NLK: variants seen among roughly 807,000 people sequenced by gnomAD.
The protein encoded by NLK is nemo like kinase.
In NLK, 11 loss-of-function variants were observed where a neutral mutation model predicts 59.0. The ratio of observed to expected loss-of-function variants is 0.19; its 90% CI spans 0.12 to 0.31. The LOEUF (loss-of-function observed/expected upper bound fraction) is 0.31, where lower values mean the gene tolerates loss of function less well. Among genes scored for constraint, NLK ranks in the 10% least tolerant of loss-of-function variants. The pLI, the probability that NLK is intolerant of heterozygous loss-of-function variation, is 1.00. For synonymous variants in NLK, 235 were observed against 235.9 expected, an observed-to-expected ratio of 1.00 and a Z score of 0.03; for missense variants, 410 against 661.1, an observed-to-expected ratio of 0.62 and a Z score of 4.16.
chr17:28,136,880 C>T (rs556981040), intron 3 of NLK, among the ~76,000 whole-genome samples: 2 of 146,740 alleles, frequency 1.4e-5, no homozygotes, highest in Non-Finnish European at 3.0e-5. Context: ...ACTGGGATTA[C>T]AGGCATGAGC....
intron 1 of NLK, among the ~76,000 whole-genome samples, chr17:28,100,344 AC>A (rs1228264008): frequency 6.6e-6 from 1 of 152,080 alleles, no homozygotes; most frequent in African/African-American, 2.4e-5. Flanking sequence ...TTATTTTCAG[AC>A]TTTTTTAAAA....
At position 28,124,630 on chromosome 17, in the gene NLK, A is replaced by G. The variant is rs1906215080; in HGVS notation, c.588+1898A>G. On this transcript the variant is annotated intron_variant, in intron 2 of 10. Coordinates refer to ENST00000407008, the MANE Select transcript of NLK (RefSeq NM_016231.5). ...TTAGAATAATGTCTAGTTCTTTCTTAGTTATTTCTTGACCTTGCCTTAGTG... is the reference window on the plus strand; with the variant it reads ...TTAGAATAATGTCTAGTTCTTTCTTGGTTATTTCTTGACCTTGCCTTAGTG... Among the ~76,000 whole-genome samples the G allele has an allele frequency of 2.6e-5, 4 of 152,226 alleles. No individual in the cohort carries two copies. In the South Asian group the frequency reaches 8.3e-4, roughly 31 times the overall value.
intron 7 of NLK, 140 bp from the exon 8 acceptor site, chr17:28,185,039 G>T: frequency 2.5e-6 from 1 of 400,222 alleles, no homozygotes. Context: ...ACTGGTTACT[G>T]AAGGGAAAAC....
downstream of NLK, among the ~76,000 whole-genome samples, chr17:28,200,739 C>T (rs1909608427): frequency 2.0e-5 from 3 of 152,372 alleles, no homozygotes; most frequent in South Asian, 2.1e-4. Context: ...CCGCCTTGGC[C>T]TCCCAAATTG....
At chr17:28,109,760 G>T (rs1905382561) in intron 1 of NLK, among the ~76,000 whole-genome samples, 1 of 152,148 alleles carries the variant, frequency 6.6e-6, no homozygotes, top group South Asian at 2.1e-4. Context: ...TCCAGTTTTT[G>T]ACTATTATGA....
At chr17:28,132,289 G>T (rs1906550132) in intron 2 of NLK, among the ~76,000 whole-genome samples, 1 of 152,178 alleles carries the variant, frequency 6.6e-6, no homozygotes, top group African/African-American at 2.4e-5. Context: ...ATAAAGGAAT[G>T]AATGATAGAT....
At chr17:28,134,526 C>T in intron 3 of NLK, among the ~76,000 whole-genome samples, 1 of 152,172 alleles carries the variant, frequency 6.6e-6, no homozygotes. Flanking sequence ...TGGATACAGG[C>T]TATATGCAAA....
At chr17:28,071,725 G>A (rs1041133279) in intron 1 of NLK, among the ~76,000 whole-genome samples, 1 of 152,182 alleles carries the variant, frequency 6.6e-6, no homozygotes, top group East Asian at 1.9e-4. Flanking sequence ...CAATCCTGCT[G>A]TATCCTACGT....
At chr17:28,087,748 A>AC (rs1910562527) in intron 1 of NLK, among the ~76,000 whole-genome samples, 1 of 151,218 alleles carries the variant, frequency 6.6e-6, no homozygotes, top group Non-Finnish European at 1.5e-5. Context: ...TTTGAAAGTG[A>AC]CCTTGTTTGT....
rs542967155 is a variant in NLK, at chr17:28,061,819, TATATAC to T, written c.458+18494_458+18499del. ...TACATATATACATATACATATATAA[TATATAC>T]ATATATACATATACATATATATAAT... On this transcript the variant is annotated intron_variant, in intron 1 of 10. Coordinates refer to ENST00000407008, the MANE Select transcript of NLK (RefSeq NM_016231.5). 1.9e-3 allele frequency: 268 copies of T among 143,928 alleles called. 1 individual carries two copies. The highest frequency in any genetic ancestry group is 2.7e-3 in the Non-Finnish European group (182 of 66,744). 8.9% of individuals were successfully genotyped at this position (143,928 alleles called of 1,614,324 possible). A position where few individuals can be genotyped will look rare whatever the true frequency, so the allele number is the denominator to read the frequency against.
intron 1 of NLK, among the ~76,000 whole-genome samples, chr17:28,097,158 A>G (rs975470378): frequency 6.6e-5 from 10 of 152,206 alleles, no homozygotes; most frequent in Middle Eastern, 3.2e-3. Flanking sequence ...AAGGTACAAG[A>G]TGCATATTAT....
intron 2 of NLK, among the ~76,000 whole-genome samples, chr17:28,129,521 T>C (rs916397732): frequency 6.6e-6 from 1 of 152,102 alleles, no homozygotes; most frequent in Non-Finnish European, 1.5e-5. Context: ...GAAATATGTG[T>C]GTATATAAAA....
At chr17:28,193,035 C>A (rs779093424) in intron 10 of NLK, among the ~76,000 whole-genome samples, 3 of 152,170 alleles carry the variant, frequency 2.0e-5, no homozygotes, top group Non-Finnish European at 2.9e-5. Context: ...CTCTTGATTT[C>A]TTTTTCCTTA....
At chr17:28,059,202 C>T (rs770711236) in intron 1 of NLK, among the ~76,000 whole-genome samples, 5 of 151,686 alleles carry the variant, frequency 3.3e-5, no homozygotes, top group East Asian at 1.9e-4. Flanking sequence ...CACACACTGG[C>T]GGAATTTTTA....
At chr17:28,177,626 C>T (rs62067265) in intron 7 of NLK, among the ~76,000 whole-genome samples, 6 of 152,232 alleles carry the variant, frequency 3.9e-5, no homozygotes, top group Non-Finnish European at 5.9e-5. Flanking sequence ...ATGGAGCCAG[C>T]AGTCCAGGCC....
intron 1 of NLK, among the ~76,000 whole-genome samples, chr17:28,047,273 A>G (rs1315159228): frequency 6.6e-6 from 1 of 152,186 alleles, no homozygotes; most frequent in Non-Finnish European, 1.5e-5. Context: ...GTCTTCATAG[A>G]TTGTCAGATT....
chr17:28,147,677 G>A (rs1334737888), intron 3 of NLK, among the ~76,000 whole-genome samples: 1 of 152,028 alleles, frequency 6.6e-6, no homozygotes, highest in African/African-American at 2.4e-5. Context: ...CTCCCTTTTT[G>A]ATATCTCTAA....
chr17:28,111,106 T>C (rs1206291974), intron 1 of NLK, among the ~76,000 whole-genome samples: 2 of 152,212 alleles, frequency 1.3e-5, no homozygotes, highest in Non-Finnish European at 2.9e-5. Context: ...TTTAATTCTT[T>C]GAGCATATTT....
At chr17:28,111,901 GTGTGTGTGTGT>G (rs1905527798) in intron 1 of NLK, among the ~76,000 whole-genome samples, 2 of 88,650 alleles carry the variant, frequency 2.3e-5, no homozygotes, top group African/African-American at 9.4e-5. Context: ...TGTGTGGTGT[GTGTGTGTGTGT>G]GTGTGTGTGT....
Sources: gnomAD v4.1 joint callset for allele counts (sites outside exome capture counted in the v4.1 genomes callset) on GRCh38, gnomAD v4.1.1 for gene constraint, MANE v1.5 for transcripts, NCBI Gene and HGNC (gene_info 2026-07-23, HGNC 2026-07-21) for gene names.